The following MAML3 variants were observed in gnomAD, a reference collection of about 807,000 sequenced individuals.
The protein encoded by MAML3 is mastermind-like protein 3.
MAML3 carries 27 observed loss-of-function variants against 101.9 expected under a neutral mutation model. That is an observed-to-expected ratio of 0.27 (90% confidence interval 0.20 to 0.37). The LOEUF is 0.37. Among genes scored for constraint, MAML3 ranks in the 10% least tolerant of loss-of-function variants. The pLI, the probability that MAML3 is intolerant of heterozygous loss-of-function variation, is 1.00. For synonymous variants in MAML3, 501 were observed against 555.9 expected (o/e 0.90, Z 1.39); for missense variants, 1,316 against 1,444.9 (o/e 0.91, Z 1.45).
chr4:139,879,978 G>A (rs1311760039), intron 2 of MAML3, among the ~76,000 whole-genome samples: 1 of 152,108 alleles, frequency 6.6e-6, no homozygotes, highest in Admixed American at 6.5e-5. Context: ...TTTGTGACCA[G>A]CCTGGGCAAC....
At chr4:139,776,979 T>C (rs1730108213) in intron 2 of MAML3, among the ~76,000 whole-genome samples, 1 of 152,206 alleles carries the variant, frequency 6.6e-6, no homozygotes, top group South Asian at 2.1e-4. Flanking sequence ...ATTGCATTGT[T>C]TATCCTGGAG....
At chr4:139,790,905 C>T (rs1730397286) in intron 2 of MAML3, among the ~76,000 whole-genome samples, 1 of 152,192 alleles carries the variant, frequency 6.6e-6, no homozygotes, top group Non-Finnish European at 1.5e-5. Context: ...TGAATTCCCA[C>T]AGAAACATAC....
chr4:139,748,501 T>C (rs1729394339), intron 2 of MAML3, among the ~76,000 whole-genome samples: 1 of 151,986 alleles, frequency 6.6e-6, no homozygotes, highest in South Asian at 2.1e-4. Flanking sequence ...CAGGACAAAA[T>C]GCATCAGTGG....
chr4:139,886,550 A>G (rs1732342487), intron 2 of MAML3, among the ~76,000 whole-genome samples: 1 of 152,114 alleles, frequency 6.6e-6, no homozygotes, highest in South Asian at 2.1e-4. Context: ...AAAAGTCACA[A>G]TTTGGATTGT....
chr4:139,996,836 G>A (rs1430899612), intron 1 of MAML3, among the ~76,000 whole-genome samples: 2 of 151,736 alleles, frequency 1.3e-5, no homozygotes, highest in Non-Finnish European at 2.9e-5. Context: ...CGAGGAGGGC[G>A]GATCACGAGG....
At chr4:139,733,206 T>C (rs531851240) in intron 2 of MAML3, among the ~76,000 whole-genome samples, 70 of 152,330 alleles carry the variant, frequency 4.6e-4, no homozygotes, top group African/African-American at 1.5e-3. Flanking sequence ...TGCAGATATG[T>C]AGTTTGTTTT....
At chr4:140,074,237 G>GAAAGAAAGAA (rs1300113484) in intron 1 of MAML3, among the ~76,000 whole-genome samples, 17 of 130,092 alleles carry the variant, frequency 1.3e-4, no homozygotes, top group African/African-American at 4.3e-4. Context: ...AAGAAAGAAA[G>GAAAGAAAGAA]AAAGAAAGAA....
chr4:139,976,282 C>A (rs1403017673), intron 1 of MAML3, among the ~76,000 whole-genome samples: 1 of 152,032 alleles, frequency 6.6e-6, no homozygotes, highest in Non-Finnish European at 1.5e-5. Flanking sequence ...ATTATGTTTT[C>A]TCCTCCCCCA....
intron 1 of MAML3, among the ~76,000 whole-genome samples, chr4:140,122,297 T>C (rs1424723846): frequency 6.7e-6 from 1 of 149,676 alleles, no homozygotes; most frequent in African/African-American, 2.5e-5. Flanking sequence ...TCTCGGCTCA[T>C]TGCAACCTCT....
rs368313634 is a variant in MAML3 at position 140,104,535 on chromosome 4, C to A, written c.468+48325G>T. 3.8e-4 allele frequency among the ~76,000 whole-genome samples: 55 copies of A among 144,810 alleles called. 1 individual carries two copies. The East Asian group carries it at 6.2e-3, about 16-fold the overall frequency. ...TGGCTCAGGCTGGAGTATACTGGCC[C>A]AATCTCAGTTCATTGCAACCTCCAC... On this transcript the variant is annotated intron_variant, in intron 1 of 4. Coordinates refer to ENST00000509479, the MANE Select transcript of MAML3 (RefSeq NM_018717.5).
intron 1 of MAML3, among the ~76,000 whole-genome samples, chr4:139,926,127 G>A (rs1485969498): frequency 6.6e-6 from 1 of 152,104 alleles, no homozygotes; most frequent in African/African-American, 2.4e-5. Flanking sequence ...CATATGCTCT[G>A]TTTATTTGAC....
At chr4:140,086,563 T>C (rs1727955599) in intron 1 of MAML3, among the ~76,000 whole-genome samples, 1 of 152,166 alleles carries the variant, frequency 6.6e-6, no homozygotes, top group South Asian at 2.1e-4. Flanking sequence ...TGCGATCAGC[T>C]CAAGATCTTA....
In MAML3 at chr4:139,889,670, G is replaced by C; in HGVS notation, c.1766C>G (p.Ser589Cys). 6.2e-7 allele frequency: 1 copy of C among 1,614,010 alleles called. No homozygotes were observed. The highest frequency in any genetic ancestry group is 8.5e-7 in the Non-Finnish European group (1 of 1,179,896). The change falls in exon 2 of 5, where the codon TCC becomes TGC. Residue 589 changes from serine to cysteine, a missense_variant. Coordinates refer to ENST00000509479, the MANE Select transcript of MAML3 (RefSeq NM_018717.5). ...NQQPNNLGTN[S>C]LNKQHNILTY... ...CAGAATATTGTGCTGTTTGTTTAAG[G>C]AGTTTGTACCCAAGTTATTTGGCTG...
At chr4:139,762,797 T>C (rs1729782678) in intron 2 of MAML3, among the ~76,000 whole-genome samples, 1 of 152,140 alleles carries the variant, frequency 6.6e-6, no homozygotes, top group Non-Finnish European at 1.5e-5. Context: ...GTAGACCTCG[T>C]TGACCCTAAC....
intron 2 of MAML3, among the ~76,000 whole-genome samples, chr4:139,792,702 T>C (rs530427725): frequency 1.3e-5 from 2 of 152,122 alleles, no homozygotes; most frequent in Non-Finnish European, 2.9e-5. Flanking sequence ...TTGCACTGGA[T>C]AGTAGAATTC....
intron 1 of MAML3, among the ~76,000 whole-genome samples, chr4:140,025,036 C>T (rs186418563): frequency 6.6e-6 from 1 of 152,252 alleles, no homozygotes; most frequent in Non-Finnish European, 1.5e-5. Context: ...AAAACATGTT[C>T]CCTAATGTGT....
At chr4:139,721,123 A>C (rs1360930643) in intron 4 of MAML3, among the ~76,000 whole-genome samples, 1 of 152,246 alleles carries the variant, frequency 6.6e-6, no homozygotes, top group Non-Finnish European at 1.5e-5. Flanking sequence ...AGCAAAGTCC[A>C]TTCCTTCAAA....
At chr4:140,097,005 G>A (rs574452855) in intron 1 of MAML3, among the ~76,000 whole-genome samples, 31 of 152,248 alleles carry the variant, frequency 2.0e-4, no homozygotes, top group East Asian at 1.3e-3. Flanking sequence ...CATCCAGCAT[G>A]GAACTATTAA....
intron 1 of MAML3, among the ~76,000 whole-genome samples, chr4:140,096,911 A>T (rs77759464): frequency 6.6e-6 from 1 of 151,632 alleles, no homozygotes; most frequent in East Asian, 1.9e-4. Flanking sequence ...TTTTTTAAGG[A>T]GTTTTAGCAT....
Sources: allele counts gnomAD v4.1 joint callset (sites outside exome capture counted in the v4.1 genomes callset), GRCh38; gene constraint gnomAD v4.1.1; transcripts MANE v1.5; gene names NCBI Gene and HGNC (gene_info 2026-07-23, HGNC 2026-07-21).